The following OR2C1 variants were observed in gnomAD, a reference collection of about 807,000 sequenced individuals.
The protein encoded by OR2C1 is olfactory receptor family 2 subfamily C member 1.
For synonymous variants in OR2C1, 209 were observed against 167.3 expected (o/e 1.25, Z -1.92); for missense variants, 468 against 388.3 (o/e 1.21, Z -1.73).
rs1252271720 is a variant in OR2C1, at chr16:3,357,215, C to A, written c.*336C>A. ...ATATGCCTTATATTTCTGCAGAATT[C>A]TGTACTTTTCTAAGCAAAGCACCTC... On this transcript the variant is annotated 3_prime_UTR_variant, in exon 1 of 1. Transcript: ENST00000304936. The A allele has an allele frequency of 4.2e-6, 1 of 236,492 alleles. No homozygotes were observed. Among genetic ancestry groups the A allele is most frequent in the Non-Finnish European group, 9.0e-6 (1 of 111,576 alleles). The allele number at this position is 236,492 out of a possible 1,614,324, so 14.6% of individuals were successfully genotyped here.
chr16:3,351,558 C>G (rs745985354), upstream of OR2C1, among the ~76,000 whole-genome samples: 2 of 152,182 alleles, frequency 1.3e-5, no homozygotes, highest in Middle Eastern at 6.3e-3. Context: ...CTTGGCCATA[C>G]TTCATAGGAC....
At chr16:3,342,068 G>T in the OR2C1 span, among the ~76,000 whole-genome samples, 3 of 152,034 alleles carry the variant, frequency 2.0e-5, no homozygotes, top group Non-Finnish European at 2.9e-5. Flanking sequence ...GATCAGTATT[G>T]AAACAAACCC....
chr16:3,326,076 G>A, the OR2C1 span, among the ~76,000 whole-genome samples: 5 of 151,938 alleles, frequency 3.3e-5, no homozygotes, highest in South Asian at 8.3e-4. Context: ...GATTACAGAT[G>A]TGCGCCACCA....
the OR2C1 span, among the ~76,000 whole-genome samples, chr16:3,328,762 T>C: frequency 6.6e-6 from 1 of 152,096 alleles, no homozygotes; most frequent in African/African-American, 2.4e-5. Flanking sequence ...GGTGGAGCAA[T>C]GACAAACAGG....
chr16:3,350,578 A>AT, the OR2C1 span, among the ~76,000 whole-genome samples: 1 of 149,664 alleles, frequency 6.7e-6, no homozygotes, highest in African/African-American at 2.5e-5. Flanking sequence ...TGCCCGGCTA[A>AT]TTTTTTGTAT....
At chr16:3,346,164 TG>T in the OR2C1 span, among the ~76,000 whole-genome samples, 1 of 151,942 alleles carries the variant, frequency 6.6e-6, no homozygotes, top group African/African-American at 2.4e-5. Flanking sequence ...TACCATCACT[TG>T]ATATATTATA....
At chr16:3,353,039 G>A (rs1029524780), upstream of OR2C1, among the ~76,000 whole-genome samples, 5 of 151,076 alleles carry the variant, frequency 3.3e-5, no homozygotes, top group African/African-American at 9.7e-5. Flanking sequence ...CACTGCGCCC[G>A]GCCCTGTCTA....
chr16:3,323,002 C>T, the OR2C1 span: 1 of 859,252 alleles, frequency 1.2e-6, no homozygotes, highest in Non-Finnish European at 1.4e-6. Flanking sequence ...TGGAACTGGA[C>T]TGTGATGAGA....
At chr16:3,344,953 ATATATG>A in the OR2C1 span, among the ~76,000 whole-genome samples, 1 of 152,070 alleles carries the variant, frequency 6.6e-6, no homozygotes, top group Non-Finnish European at 1.5e-5. Context: ...GTGTGTATAT[ATATATG>A]TATAAATATA....
At position 3,355,989 on chromosome 16, in the gene OR2C1, A is replaced by C; in HGVS notation, c.49A>C (p.Ile17Leu). The change falls in exon 1 of 1, where the codon ATA becomes CTA. Residue 17 changes from isoleucine to leucine, a missense_variant. Transcript: ENST00000304936. ...SSLQGFVLMG[I>L]SDHPQLEMIF... ...CTTGCAGGGCTTTGTTCTGATGGGC[A>C]TATCAGACCATCCCCAGCTGGAGAT... is the stretch of plus-strand genomic sequence containing the variant. 6.2e-7 allele frequency: 1 copy of C among 1,613,870 alleles called. No homozygotes were observed. The highest frequency in any genetic ancestry group is 8.5e-7 in the Non-Finnish European group (1 of 1,179,842).
the OR2C1 span, among the ~76,000 whole-genome samples, chr16:3,343,576 T>C: frequency 1.6e-4 from 25 of 151,668 alleles, no homozygotes; most frequent in Non-Finnish European, 3.5e-4. Context: ...ATGTGGTGAA[T>C]CCCCGTCTCT....
At chr16:3,325,993 C>T in the OR2C1 span, among the ~76,000 whole-genome samples, 6 of 145,738 alleles carry the variant, frequency 4.1e-5, no homozygotes, top group South Asian at 2.2e-4. Context: ...TGCAGTGGTG[C>T]GATCTCGGCT....
chr16:3,338,036 G>C, the OR2C1 span, among the ~76,000 whole-genome samples: 1 of 152,168 alleles, frequency 6.6e-6, no homozygotes, highest in African/African-American at 2.4e-5. Flanking sequence ...CTTGGCTCTA[G>C]TGAATGATTG....
At chr16:3,350,301 T>C in the OR2C1 span, among the ~76,000 whole-genome samples, 1 of 151,742 alleles carries the variant, frequency 6.6e-6, no homozygotes, top group Non-Finnish European at 1.5e-5. Flanking sequence ...ATGATCCACC[T>C]GCCTCGGACT....
upstream of OR2C1, among the ~76,000 whole-genome samples, chr16:3,355,734 A>G (rs2030655238): frequency 6.6e-6 from 1 of 152,114 alleles, no homozygotes; most frequent in Non-Finnish European, 1.5e-5. Flanking sequence ...GTGAGCTGAG[A>G]TTGTGCCACT....
chr16:3,332,029 G>C, the OR2C1 span, among the ~76,000 whole-genome samples: 39 of 144,432 alleles, frequency 2.7e-4, no homozygotes, highest in African/African-American at 1.0e-3. Flanking sequence ...TGAACAATGA[G>C]AACACAAGGA....
chr16:3,336,849 T>C, the OR2C1 span, among the ~76,000 whole-genome samples: 2 of 150,472 alleles, frequency 1.3e-5, no homozygotes, highest in Middle Eastern at 3.4e-3. Context: ...GCTGGGATTA[T>C]AGGCATGTGC....
At chr16:3,330,405 C>T in the OR2C1 span, among the ~76,000 whole-genome samples, 1 of 152,256 alleles carries the variant, frequency 6.6e-6, no homozygotes, top group East Asian at 1.9e-4. Context: ...TGTGAGCCAC[C>T]ATGCCCGGCT....
In OR2C1 at chr16:3,357,258, A is replaced by G. The variant is rs4578649; in HGVS notation, c.*379A>G. On this transcript the variant is annotated 3_prime_UTR_variant, in exon 1 of 1. Coordinates refer to ENST00000304936, the MANE Select transcript of OR2C1 (RefSeq NM_012368.3). Reference sequence around the variant, plus strand: ...AGCACCTCCACTTGCAGTATCTTACATAATGTTACTATAATTCCATAAAAT... The same window carrying G: ...AGCACCTCCACTTGCAGTATCTTACGTAATGTTACTATAATTCCATAAAAT... The G allele has an allele frequency of 0.51, 99,578 of 195,128 alleles. 26,273 individuals are homozygous for G. Among genetic ancestry groups the G allele is most frequent in the East Asian group, 0.72 (5,009 of 6,924 alleles). The allele number at this position is 195,128 out of a possible 1,614,324, so 12.1% of individuals were successfully genotyped here.
Sources: allele counts gnomAD v4.1 joint callset (sites outside exome capture counted in the v4.1 genomes callset), GRCh38; gene constraint gnomAD v4.1.1; transcripts MANE v1.5; gene names NCBI Gene and HGNC (gene_info 2026-07-23, HGNC 2026-07-21).